The following VDR variants were observed in gnomAD, a reference collection of about 807,000 sequenced individuals.
The protein encoded by VDR is vitamin D3 receptor.
Under a neutral mutation model 39.7 loss-of-function variants are expected in VDR, and 19 were observed. That is an observed-to-expected ratio of 0.48 (90% CI 0.33 to 0.70). The LOEUF (loss-of-function observed/expected upper bound fraction) is 0.70. Ranked by LOEUF, VDR falls within the 30% of genes least tolerant of loss-of-function variation. VDR has a pLI of 0.02. For synonymous variants in VDR, 242 were observed against 215.8 expected, an observed-to-expected ratio of 1.12 and a Z score of -1.07; for missense variants, 442 against 570.5, an observed-to-expected ratio of 0.77 and a Z score of 2.29.
chr12:47,904,117 G>GGAA (rs1322540610), intron 1 of VDR, among the ~76,000 whole-genome samples: 2 of 151,622 alleles, frequency 1.3e-5, no homozygotes, highest in Non-Finnish European at 2.9e-5. Context: ...AGGAGGAGGA[G>GGAA]GAGGAGGAGA....
intron 7 of VDR, among the ~76,000 whole-genome samples, chr12:47,852,330 C>G (rs1394881219): frequency 1.3e-5 from 2 of 152,204 alleles, no homozygotes; most frequent in Non-Finnish European, 2.9e-5. Flanking sequence ...TGTGTTTTTT[C>G]CCTAGCTGTT....
chr12:47,869,736 G>T (rs1049239425), intron 3 of VDR, among the ~76,000 whole-genome samples: 1 of 151,718 alleles, frequency 6.6e-6, no homozygotes, highest in African/African-American at 2.4e-5. Context: ...ATCTACAAAA[G>T]ATTAAAAAAA....
chr12:47,864,993 C>CCA, intron 4 of VDR, 54 bp downstream of exon 4: 1 of 1,608,540 alleles, frequency 6.2e-7, no homozygotes, highest in East Asian at 2.2e-5. Context: ...GTGGCCAAGG[C>CCA]CTTTCCCTGA....
intron 1 of VDR, among the ~76,000 whole-genome samples, chr12:47,889,506 G>A (rs754113549): frequency 1.2e-4 from 18 of 152,312 alleles, no homozygotes; most frequent in Non-Finnish European, 2.5e-4. Context: ...CAGCTCCCGT[G>A]GCCAAAGACA....
In VDR at chr12:47,871,237, A is replaced by G. The variant is rs111386341; in HGVS notation, c.147-6060T>C. The stretch of plus-strand genomic sequence containing the variant: ...TCTGTCTGGAGAAGCCAAAGACCGA[A>G]CCTAAATGACCATGACAGAGGACTG... On this transcript the variant is annotated intron_variant, in intron 3 of 9. Coordinates refer to ENST00000549336, the MANE Select transcript of VDR (RefSeq NM_000376.3). 2.2e-3 allele frequency among the ~76,000 whole-genome samples: 329 copies of G among 152,168 alleles called. 4 individuals carry two copies. Among genetic ancestry groups the G allele is most frequent in the African/African-American group, 7.3e-3 (301 of 41,506 alleles).
At chr12:47,846,274 C>G in intron 9 of VDR, 61 bp downstream of exon 9, 1 of 1,499,740 alleles carries the variant, frequency 6.7e-7, no homozygotes, top group Admixed American at 1.7e-5. Context: ...CTCAGCAGGT[C>G]TTTGTCCTTC....
At chr12:47,863,790 C>G (rs1945671996) in intron 4 of VDR, among the ~76,000 whole-genome samples, 1 of 152,180 alleles carries the variant, frequency 6.6e-6, no homozygotes, top group Non-Finnish European at 1.5e-5. Flanking sequence ...AGGGAGGAGT[C>G]ATGACCCACA....
rs546846097 is a variant in VDR, at chr12:47,877,002, T to C, written c.146+1966A>G. On this transcript the variant is annotated intron_variant, in intron 3 of 9. Coordinates refer to ENST00000549336, the MANE Select transcript of VDR (RefSeq NM_000376.3). ...ATGCTTTGGTTGCAGACTGACAAGA[T>C]ATGACCTTCGGTGAGAATCTCCATA... Among the ~76,000 whole-genome samples, 4 of 152,352 alleles carry C rather than the reference T, an allele frequency of 2.6e-5. No homozygotes were observed. In the South Asian group the frequency reaches 8.3e-4, roughly 32 times the overall value.
intron 1 of VDR, among the ~76,000 whole-genome samples, chr12:47,901,705 T>A (rs10783219): frequency 0.71 from 108,458 of 152,244 alleles, 40,115 homozygotes; most frequent in African/African-American, 0.93. Flanking sequence ...GAGCAAAATG[T>A]GGAGGCTGTA....
At chr12:47,892,681 C>T (rs1289408795) in intron 1 of VDR, among the ~76,000 whole-genome samples, 1 of 152,036 alleles carries the variant, frequency 6.6e-6, no homozygotes, top group African/African-American at 2.4e-5. Context: ...AGACATAGAC[C>T]CTGTCCTCTA....
intron 5 of VDR, 37 bp downstream of exon 5, chr12:47,857,467 C>T: frequency 6.2e-7 from 1 of 1,614,050 alleles, no homozygotes; most frequent in Non-Finnish European, 8.5e-7. Flanking sequence ...AGTGCTTCTC[C>T]TCTGGACCGG....
At chr12:47,885,061 G>A (rs1236831071) in intron 1 of VDR, among the ~76,000 whole-genome samples, 5 of 152,180 alleles carry the variant, frequency 3.3e-5, no homozygotes, top group Non-Finnish European at 7.4e-5. Flanking sequence ...CCTCTGCCAC[G>A]TCACACGCCC....
intron 2 of VDR, 138 bp from the exon 3 acceptor site, chr12:47,879,253 T>C: frequency 9.6e-7 from 1 of 1,047,034 alleles, no homozygotes; most frequent in South Asian, 1.6e-5. Flanking sequence ...AGGGTGGGCA[T>C]CTCCCCAGGG....
intron 3 of VDR, among the ~76,000 whole-genome samples, chr12:47,873,506 C>T (rs912628602): frequency 2.7e-5 from 4 of 150,630 alleles, no homozygotes; most frequent in Non-Finnish European, 1.5e-5. Context: ...GGACTACAGG[C>T]GCCCGCCACC....
chr12:47,862,538 G>T (rs1413423591), intron 4 of VDR, among the ~76,000 whole-genome samples: 1 of 152,234 alleles, frequency 6.6e-6, no homozygotes, highest in African/African-American at 2.4e-5. Context: ...GAAAATGCAT[G>T]TGCTTGATGT....
chr12:47,891,900 C>A (rs1334365614), intron 1 of VDR, among the ~76,000 whole-genome samples: 1 of 151,884 alleles, frequency 6.6e-6, no homozygotes, highest in Non-Finnish European at 1.5e-5. Context: ...CCACCACCAC[C>A]CACCCCCACC....
intron 3 of VDR, among the ~76,000 whole-genome samples, chr12:47,865,874 G>A (rs949408615): frequency 6.6e-6 from 1 of 151,276 alleles, no homozygotes; most frequent in Non-Finnish European, 1.5e-5. Context: ...CACCACTCCT[G>A]GCTAATTTTT....
At chr12:47,873,440 A>C (rs1945930993) in intron 3 of VDR, among the ~76,000 whole-genome samples, 1 of 132,882 alleles carries the variant, frequency 7.5e-6, no homozygotes, top group Non-Finnish European at 1.5e-5. Context: ...GGCTCACTGC[A>C]GCCTCCGCCC....
At chr12:47,857,010 T>G (rs1387732060) in intron 6 of VDR, 119 bp downstream of exon 6, 2 of 1,495,338 alleles carry the variant, frequency 1.3e-6, no homozygotes, top group Non-Finnish European at 1.8e-6. Context: ...GCGCACAGTA[T>G]TTATGTAAGT....
Sources: gnomAD v4.1 joint callset for allele counts (sites outside exome capture counted in the v4.1 genomes callset) on GRCh38, gnomAD v4.1.1 for gene constraint, MANE v1.5 for transcripts, NCBI Gene and HGNC (gene_info 2026-07-23, HGNC 2026-07-21) for gene names.